GLIPR1: variants seen among roughly 807,000 people sequenced by gnomAD.
GLIPR1 encodes the protein GLI pathogenesis related 1.
In GLIPR1, 38 loss-of-function variants were observed where a neutral mutation model predicts 30.3. The observed-to-expected ratio is 1.26, with a 90% confidence interval of 0.97 to 1.65. The LOEUF (loss-of-function observed/expected upper bound fraction) is 1.65, where lower values mean the gene tolerates loss of function less well. GLIPR1 is among the 40% of genes most tolerant of loss of function. The pLI is 0.00. For missense variants in GLIPR1, 285 were observed against 326.5 expected, an observed-to-expected ratio of 0.87 and a Z score of 0.98; for synonymous variants, 122 against 110.6, an observed-to-expected ratio of 1.10 and a Z score of -0.65.
intron 2 of GLIPR1, chr12:75,489,645 C>CA (rs1264545062): frequency 1.3e-5 from 2 of 152,206 alleles, no homozygotes; most frequent in Non-Finnish European, 2.9e-5. Flanking sequence ...ACCCTACACT[C>CA]AAAATCCTTT....
chr12:75,503,754 A>T lies in GLIPR1; in HGVS notation c.*4776A>T. 1.5e-6 allele frequency: 1 copy of T among 648,408 alleles called. No homozygotes were observed. The highest frequency in any genetic ancestry group is 2.8e-5 in the East Asian group (1 of 35,814). 40.2% of individuals were successfully genotyped at this position (648,408 alleles called of 1,614,324 possible). A position where few individuals can be genotyped will look rare whatever the true frequency, so the allele number is the denominator to read the frequency against. ...CACTCAGCTCAAAATATGCCTATTT[A>T]TATTTACCCTCAGTTTCTTATAGCT... On this transcript the variant is annotated 3_prime_UTR_variant, in exon 6 of 6. Coordinates refer to ENST00000266659, the MANE Select transcript of GLIPR1 (RefSeq NM_006851.3).
At chr12:75,496,434 T>C (rs1324688782) in intron 4 of GLIPR1, 1 of 152,142 alleles carries the variant, frequency 6.6e-6, no homozygotes, top group East Asian at 1.9e-4. Context: ...GTGTAGAAGC[T>C]GCAAGCAGTT....
intron 2 of GLIPR1, among the ~76,000 whole-genome samples, chr12:75,487,196 G>C (rs1295930091): frequency 1.3e-5 from 2 of 152,186 alleles, no homozygotes; most frequent in African/African-American, 4.8e-5. Context: ...ACTGAACACA[G>C]CATGCATAGG....
rs780590787 is a variant in GLIPR1, at chr12:75,501,787, T to C, written c.*2809T>C. ...TAAATGCTTTGTTTCTTTCCTCTTGTCTCTTACTGATGGCTTCTGCTTGTT... is the reference window on the plus strand; with the variant it reads ...TAAATGCTTTGTTTCTTTCCTCTTGCCTCTTACTGATGGCTTCTGCTTGTT... On this transcript the variant is annotated 3_prime_UTR_variant, in exon 6 of 6. Transcript: ENST00000266659. 3 of 1,610,470 alleles carry C rather than the reference T, an allele frequency of 1.9e-6. No individual in the cohort carries two copies. The highest frequency in any genetic ancestry group is 2.7e-5 in the African/African-American group (2 of 74,792).
Position 75,501,706 on chromosome 12 carries a change from A to G in GLIPR1, c.*2728A>G. 1 of 1,515,586 alleles carries G rather than the reference A, an allele frequency of 6.6e-7. No homozygotes were observed. The highest frequency in any genetic ancestry group is 9.1e-7 in the Non-Finnish European group (1 of 1,102,166). 93.9% of individuals were successfully genotyped at this position (1,515,586 alleles called of 1,614,324 possible). ...TTTCCTAATTAATAAAGACTTTTAC[A>G]TCATAGAAAGCATTACCTTCCTTAG... is the stretch of plus-strand genomic sequence containing the variant. On this transcript the variant is annotated 3_prime_UTR_variant, in exon 6 of 6. Transcript: ENST00000266659.
At chr12:75,490,604 T>G in intron 3 of GLIPR1, 86 bp downstream of exon 3, 1 of 556,374 alleles carries the variant, frequency 1.8e-6, no homozygotes, top group South Asian at 2.0e-5. Context: ...ATTTTAGCAG[T>G]ATTCCTCTTC....
intron 2 of GLIPR1, 111 bp downstream of exon 2, chr12:75,482,190 G>A: frequency 1.1e-6 from 1 of 951,830 alleles, no homozygotes; most frequent in Non-Finnish European, 1.6e-6. Flanking sequence ...GTAAATATAA[G>A]GGAGTTAAAT....
chr12:75,486,508 T>C (rs1013548495), intron 2 of GLIPR1, among the ~76,000 whole-genome samples: 12 of 152,144 alleles, frequency 7.9e-5, no homozygotes, highest in Admixed American at 7.9e-4. Context: ...GGTCACACTG[T>C]AAGTGGCAAA....
At position 75,498,993 on chromosome 12, in the gene GLIPR1, G is replaced by A. The variant is rs1566101709; in HGVS notation, c.*15G>A. 6.6e-7 allele frequency: 1 copy of A among 1,520,088 alleles called. No individual in the cohort carries two copies. Among genetic ancestry groups the A allele is most frequent in the Non-Finnish European group, 8.8e-7 (1 of 1,138,416 alleles). The allele number at this position is 1,520,088 out of a possible 1,614,324, so 94.2% of individuals were successfully genotyped here. ...TTTTGGACTAATACAATTCAGGAAAGAAAAAACCCAAAAACCAACCTCATT... is the reference window on the plus strand; with the variant it reads ...TTTTGGACTAATACAATTCAGGAAAAAAAAAACCCAAAAACCAACCTCATT... On this transcript the variant is annotated 3_prime_UTR_variant, in exon 6 of 6. Transcript: ENST00000266659.
intron 2 of GLIPR1, among the ~76,000 whole-genome samples, chr12:75,486,928 C>T (rs1320886988): frequency 6.6e-6 from 1 of 152,088 alleles, no homozygotes; most frequent in Non-Finnish European, 1.5e-5. Flanking sequence ...TAGAAATGTA[C>T]ATCTAAAAAT....
rs1360292797 is a variant in GLIPR1, at chr12:75,501,087, G to A, written c.*2109G>A. ...TCAGTGTGTCACTGTTCACTTTGGA[G>A]GGTTACTTTAGGAAGAGGATAAGTG... On this transcript the variant is annotated 3_prime_UTR_variant, in exon 6 of 6. Coordinates refer to ENST00000266659, the MANE Select transcript of GLIPR1 (RefSeq NM_006851.3). 1 of 152,118 alleles carries A rather than the reference G, an allele frequency of 6.6e-6. No individual in the cohort carries two copies. The highest frequency in any genetic ancestry group is 1.5e-5 in the Non-Finnish European group (1 of 68,056). The allele number at this position is 152,118 out of a possible 1,614,324, so 9.4% of individuals were successfully genotyped here. A position where few individuals can be genotyped will look rare whatever the true frequency, so the allele number is the denominator to read the frequency against.
Position 75,499,931 on chromosome 12 carries a change from C to T in GLIPR1, c.*953C>T. On this transcript the variant is annotated 3_prime_UTR_variant, in exon 6 of 6. Transcript: ENST00000266659. ...ACCTTTTCCTTGATGCTGGCCACAT[C>T]AATTTTAGTTTCAGTAGAAGCTAGA... 6.2e-7 allele frequency: 1 copy of T among 1,602,704 alleles called. No individual in the cohort carries two copies. The highest frequency in any genetic ancestry group is 1.1e-5 in the South Asian group (1 of 88,636).
At position 75,502,090 on chromosome 12, in the gene GLIPR1, C is replaced by T; in HGVS notation, c.*3112C>T. 6.0e-6 allele frequency: 6 copies of T among 992,096 alleles called. No homozygotes were observed. In the South Asian group the frequency reaches 8.1e-5, roughly 13 times the overall value. 61.5% of individuals were successfully genotyped at this position (992,096 alleles called of 1,614,324 possible). A position where few individuals can be genotyped will look rare whatever the true frequency, so the allele number is the denominator to read the frequency against. ...AGTCACAATATCCTTAGGGTAAAAA[C>T]AATGGGGTCAAACTGATTTATTAAT... On this transcript the variant is annotated 3_prime_UTR_variant, in exon 6 of 6. Transcript: ENST00000266659.
Position 75,480,991 on chromosome 12 carries a change from C to A in GLIPR1, c.111C>A (p.Cys37Ter), listed in dbSNP as rs1463894884. 6.2e-7 allele frequency: 1 copy of A among 1,613,416 alleles called. No homozygotes were observed. The highest frequency in any genetic ancestry group is 1.3e-5 in the African/African-American group (1 of 74,904). The change falls in exon 1 of 6, where the codon TGC (cysteine) becomes TGA (stop). Residue 37 changes from cysteine to a stop codon, truncating the protein, a stop_gained. Transcript: ENST00000266659. LOFTEE classifies it high-confidence loss of function. ...AAAATGAAGATTTCATCAAAGACTG[C>A]GTTCGAATCCATAACAAGTTCCGAT... The part of the protein sequence containing the change: ...DIENEDFIKD[C>*]VRIHNKFRSE...
intron 3 of GLIPR1, chr12:75,494,498 T>A (rs2046339370): frequency 6.6e-6 from 1 of 152,172 alleles, no homozygotes; most frequent in Non-Finnish European, 1.5e-5. Flanking sequence ...CCCCGGTAGA[T>A]CTTAATAGAG....
chr12:75,501,825 A>ATAAAT lies in GLIPR1; in HGVS notation c.*2848_*2852dup. ...GCTTCTGCTTGTTTAGCCTACATTA[A>ATAAAT]TAAATAAAAAATATATCAGTTAAAT... On this transcript the variant is annotated 3_prime_UTR_variant, in exon 6 of 6. Transcript: ENST00000266659. The ATAAAT allele has an allele frequency of 6.3e-7, 1 of 1,589,172 alleles. No individual in the cohort carries two copies.
Position 75,498,976 on chromosome 12 carries a change from TAATAC to T in GLIPR1, c.*2_*6del. The T allele has an allele frequency of 6.4e-7, 1 of 1,572,058 alleles. No individual in the cohort carries two copies. The highest frequency in any genetic ancestry group is 8.6e-7 in the Non-Finnish European group (1 of 1,163,538). ...GTACCCTAATTTAGTTCTTTTGGACTAATACAATTCAGGAAAGAAAAAACCCAAAA... is the reference window on the plus strand; with the variant it reads ...GTACCCTAATTTAGTTCTTTTGGACTAATTCAGGAAAGAAAAAACCCAAAA... On this transcript the variant is annotated stop_retained_variant and 3_prime_UTR_variant, in exon 6 of 6. Transcript: ENST00000266659.
At position 75,480,945 on chromosome 12, in the gene GLIPR1, C is replaced by A. The variant is rs766972581; in HGVS notation, c.65C>A (p.Ala22Glu). The A allele has an allele frequency of 1.8e-5, 29 of 1,613,296 alleles. No individual in the cohort carries two copies. The highest frequency in any genetic ancestry group is 2.7e-5 in the African/African-American group (2 of 74,902). The change falls in exon 1 of 6, where the codon GCA becomes GAA. Residue 22 changes from alanine to glutamate, a missense_variant. Coordinates refer to ENST00000266659, the MANE Select transcript of GLIPR1 (RefSeq NM_006851.3). ...VSFVSNYSHT[A>E]NILPDIENED... is the part of the protein sequence containing the mutation. The stretch of plus-strand genomic sequence containing the variant: ...TTTGTCTCCAATTATTCACACACAG[C>A]AAATATTTTGCCAGATATCGAAAAT...
At chr12:75,483,252 A>G (rs1246807671) in intron 2 of GLIPR1, among the ~76,000 whole-genome samples, 2 of 152,236 alleles carry the variant, frequency 1.3e-5, no homozygotes, top group African/African-American at 4.8e-5. Flanking sequence ...GACCTAGGGG[A>G]GTAGAAAGCT....
Sources: gnomAD v4.1 joint callset for allele counts (sites outside exome capture counted in the v4.1 genomes callset) on GRCh38, gnomAD v4.1.1 for gene constraint, MANE v1.5 for transcripts, NCBI Gene and HGNC (gene_info 2026-07-23, HGNC 2026-07-21) for gene names.